The following POC5 variants were observed in gnomAD, a reference collection of about 807,000 sequenced individuals.
POC5 encodes POC5 centriolar protein, also known as centrosomal protein POC5.
In POC5, 48 loss-of-function variants were observed where a neutral mutation model predicts 62.9. That is an observed-to-expected ratio of 0.76 (90% confidence interval 0.61 to 0.97). The LOEUF (loss-of-function observed/expected upper bound fraction) is 0.97, where lower values mean the gene tolerates loss of function less well. Ranked by LOEUF, POC5 falls within the 50% of genes least tolerant of loss-of-function variation. POC5 has a pLI of 0.00. For missense variants in POC5, 696 were observed against 679.5 expected (o/e 1.02, Z -0.27); for synonymous variants, 236 against 228.2 (o/e 1.03, Z -0.31).
chr5:75,711,340 T>TA (rs2112212175), intron 2 of POC5, among the ~76,000 whole-genome samples: 1 of 152,020 alleles, frequency 6.6e-6, no homozygotes, highest in African/African-American at 2.4e-5. Context: ...CCTCAACCAT[T>TA]AGAGTCAGAG....
At chr5:75,692,754 T>C (rs1776396092) in intron 6 of POC5, among the ~76,000 whole-genome samples, 1 of 151,978 alleles carries the variant, frequency 6.6e-6, no homozygotes, top group African/African-American at 2.4e-5. Context: ...CAATAAAAAG[T>C]TTATGTATAT....
In POC5 at chr5:75,690,471, C is replaced by T. The variant is rs1263115269; in HGVS notation, c.887G>A (p.Trp296Ter). The T allele has an allele frequency of 1.2e-6, 2 of 1,611,268 alleles. No homozygotes were observed. Among genetic ancestry groups the T allele is most frequent in the Non-Finnish European group, 1.7e-6 (2 of 1,178,570 alleles). Residue 296 changes from tryptophan to a stop codon, truncating the protein, a stop_gained, in exon 8 of 12, where the codon TGG (tryptophan) becomes TAG (stop). Coordinates refer to ENST00000428202, the MANE Select transcript of POC5 (RefSeq NM_001099271.2). LOFTEE classifies it high-confidence loss of function. ...KVWRSVVQKQ[W>*]KDVVERACQA... ...ACAAGCTCTTTCTACCACATCTTTC[C>T]ACTGCTTTTGCACTACGGAACGCCA...
chr5:75,687,113 C>T (rs1250734021), intron 9 of POC5, among the ~76,000 whole-genome samples: 1 of 152,096 alleles, frequency 6.6e-6, no homozygotes, highest in East Asian at 1.9e-4. Context: ...TCACTGCAAC[C>T]TCTGCCTCCT....
intron 2 of POC5, chr5:75,712,598 T>C (rs969996321): frequency 2.4e-6 from 2 of 819,508 alleles, no homozygotes; most frequent in Non-Finnish European, 2.0e-6. Flanking sequence ...TCTTGAACAT[T>C]TGTTTCACCT....
chr5:75,701,891 A>G (rs1776901097), intron 5 of POC5, among the ~76,000 whole-genome samples: 1 of 152,198 alleles, frequency 6.6e-6, no homozygotes, highest in African/African-American at 2.4e-5. Context: ...ATCCATTGCT[A>G]AAATTGGATC....
At chr5:75,705,657 C>A in intron 4 of POC5, 47 bp downstream of exon 4, 6 of 1,188,294 alleles carry the variant, frequency 5.0e-6, no homozygotes, top group South Asian at 1.8e-5. Context: ...TTCATCAAAC[C>A]ACAAAATGTT....
At chr5:75,677,736 A>T in intron 11 of POC5, 38 bp downstream of exon 11, 1 of 1,502,202 alleles carries the variant, frequency 6.7e-7, no homozygotes. Flanking sequence ...TCTCAGGAAA[A>T]AGACTTTTTG....
At position 75,677,891 on chromosome 5, in the gene POC5, C is replaced by G. The variant is rs146700488; in HGVS notation, c.1467G>C (p.Arg489=). The G allele has an allele frequency of 3.1e-6, 5 of 1,611,588 alleles. No individual in the cohort carries two copies. In the South Asian group the frequency reaches 5.5e-5, roughly 18 times the overall value. The change falls in exon 11 of 12, where the codon CGG becomes CGC. Residue 489 remains arginine, a synonymous_variant. Coordinates refer to ENST00000428202, the MANE Select transcript of POC5 (RefSeq NM_001099271.2). ...QQKAGRTITA[R]ITGRCDFASK... ...AAGCAAAATCACATCTTCCTGTGAT[C>G]CGGGCTGTAATAGTTCTTCCTGCTT...
In POC5 at chr5:75,710,448, G is replaced by A. The variant is rs113242910; in HGVS notation, c.84+2406C>T. Among the ~76,000 whole-genome samples, 961 of 151,836 alleles carry A rather than the reference G, an allele frequency of 6.3e-3. 10 individuals carry two copies. Among genetic ancestry groups the A allele is most frequent in the East Asian group, 0.024 (123 of 5,182 alleles). Reference sequence around the variant, plus strand: ...CAAGAAAGTAATTAAGGTTAAATAAGGTCATTGGTTGGGGCCCTGAGAGCA... The same window carrying A: ...CAAGAAAGTAATTAAGGTTAAATAAAGTCATTGGTTGGGGCCCTGAGAGCA... On this transcript the variant is annotated intron_variant, in intron 2 of 11. Coordinates refer to ENST00000428202, the MANE Select transcript of POC5 (RefSeq NM_001099271.2).
intron 10 of POC5, among the ~76,000 whole-genome samples, chr5:75,682,359 C>T (rs1775900679): frequency 6.6e-6 from 1 of 152,110 alleles, no homozygotes; most frequent in Non-Finnish European, 1.5e-5. Context: ...CGTGTGTTAA[C>T]TGCATATGCA....
intron 2 of POC5, among the ~76,000 whole-genome samples, chr5:75,710,474 T>C (rs536479049): frequency 2.6e-4 from 40 of 152,178 alleles, no homozygotes; most frequent in East Asian, 1.9e-4. Context: ...CCTGAGAGCA[T>C]TAATGTACTC....
At chr5:75,676,862 A>C (rs1356908995) in intron 11 of POC5, among the ~76,000 whole-genome samples, 2 of 151,704 alleles carry the variant, frequency 1.3e-5, no homozygotes, top group Non-Finnish European at 2.9e-5. Context: ...ATAAATAAAT[A>C]AATAAATAAA....
intron 3 of POC5, among the ~76,000 whole-genome samples, chr5:75,706,432 G>GT (rs1561480875): frequency 6.6e-6 from 1 of 152,062 alleles, no homozygotes; most frequent in Non-Finnish European, 1.5e-5. Context: ...ACTATATAAC[G>GT]TATGTTTTAA....
intron 8 of POC5, among the ~76,000 whole-genome samples, chr5:75,690,024 T>C (rs1776257480): frequency 6.6e-6 from 1 of 152,254 alleles, no homozygotes; most frequent in African/African-American, 2.4e-5. Context: ...TAGCGGGTAT[T>C]ATAGGCATGT....
chr5:75,694,296 A>G (rs528000011), intron 6 of POC5, among the ~76,000 whole-genome samples: 1 of 152,192 alleles, frequency 6.6e-6, no homozygotes, highest in Admixed American at 6.5e-5. Context: ...GGAAGAAAGG[A>G]TTAGAAAGAA....
rs371770189 is a variant in POC5, at chr5:75,685,522, G to C, written c.1130-38C>G. On this transcript the variant is annotated intron_variant, in intron 9 of 11. Transcript: ENST00000428202. ...AATTAATTCCATTCAAATTCTTCCAGGTTAGGACTACTATTATCTTCCAAA... is the reference window on the plus strand; with the variant it reads ...AATTAATTCCATTCAAATTCTTCCACGTTAGGACTACTATTATCTTCCAAA... The C allele has an allele frequency of 2.5e-5, 39 of 1,568,312 alleles. No homozygotes were observed. In the African/African-American group the frequency reaches 4.9e-4, roughly 20 times the overall value.
intron 4 of POC5, among the ~76,000 whole-genome samples, 184 bp from the exon 5 acceptor site, chr5:75,702,994 G>A (rs988047556): frequency 6.6e-6 from 1 of 152,180 alleles, no homozygotes; most frequent in Non-Finnish European, 1.5e-5. Flanking sequence ...ATTTAGCACA[G>A]ACTGGCATGA....
At chr5:75,682,819 T>C (rs1775922773) in intron 10 of POC5, among the ~76,000 whole-genome samples, 1 of 152,174 alleles carries the variant, frequency 6.6e-6, no homozygotes, top group Non-Finnish European at 1.5e-5. Context: ...TCGGCCAATG[T>C]CTTATTTCTA....
intron 3 of POC5, among the ~76,000 whole-genome samples, chr5:75,706,419 C>G (rs1777122884): frequency 6.6e-6 from 1 of 152,200 alleles, no homozygotes; most frequent in East Asian, 1.9e-4. Context: ...GATATCTAAA[C>G]TTACTATATA....
Sources: allele counts gnomAD v4.1 joint callset (sites outside exome capture counted in the v4.1 genomes callset), GRCh38; gene constraint gnomAD v4.1.1; transcripts MANE v1.5; gene names NCBI Gene and HGNC (gene_info 2026-07-23, HGNC 2026-07-21).